MEP1A: variants seen among roughly 807,000 people sequenced by gnomAD.
MEP1A encodes meprin A subunit alpha.
A neutral mutation model predicts 84.5 loss-of-function variants in MEP1A; 68 were observed. The ratio of observed to expected loss-of-function variants is 0.80; its 90% CI spans 0.66 to 0.98. The LOEUF is 0.98. Ranked by LOEUF, MEP1A falls within the 50% of genes least tolerant of loss-of-function variation. MEP1A has a pLI of 0.00. For missense variants in MEP1A, 887 were observed against 919.9 expected, an observed-to-expected ratio of 0.96 and a Z score of 0.46; for synonymous variants, 337 against 336.8, an observed-to-expected ratio of 1.00 and a Z score of -0.01.
At chr6:46,823,558 G>A (rs1172345960) in intron 7 of MEP1A, among the ~76,000 whole-genome samples, 1 of 152,224 alleles carries the variant, frequency 6.6e-6, no homozygotes, top group Non-Finnish European at 1.5e-5. Flanking sequence ...GTTGCAGTGA[G>A]CTGAGATCTT....
chr6:46,803,921 C>A (rs1357814202), intron 5 of MEP1A, among the ~76,000 whole-genome samples: 2 of 151,630 alleles, frequency 1.3e-5, no homozygotes, highest in African/African-American at 4.8e-5. Flanking sequence ...ATTATGCAAG[C>A]ATTTTACAAT....
rs762945456 is a variant in MEP1A, at chr6:46,826,504, G to A, written c.928+1G>A. On this transcript the variant is annotated splice_donor_variant, in intron 9 of 13. Transcript: ENST00000230588. LOFTEE classifies it high-confidence loss of function. ...CACACCTTGTTGGGACAATGCACAG[G>A]TCAGTGAAAGTGGAAAGCAAACACA... is the stretch of plus-strand genomic sequence containing the variant. The A allele has an allele frequency of 1.3e-6, 2 of 1,536,132 alleles. No individual in the cohort carries two copies. The highest frequency in any genetic ancestry group is 1.3e-5 in the South Asian group (1 of 76,262).
rs1016933301 is a variant in MEP1A at position 46,814,726 on chromosome 6, G to A, written c.381-4803G>A. Among the ~76,000 whole-genome samples the A allele has an allele frequency of 5.4e-4, 82 of 152,220 alleles. 1 individual carries two copies. Among genetic ancestry groups the A allele is most frequent in the East Asian group, 1.9e-4 (1 of 5,154 alleles). On this transcript the variant is annotated intron_variant, in intron 6 of 13. Transcript: ENST00000230588. ...CAAGGGCTGTTTTTCAGATTTTTTTGTCCCACAGGGTGCTCCCTTGATGTG... is the reference window on the plus strand; with the variant it reads ...CAAGGGCTGTTTTTCAGATTTTTTTATCCCACAGGGTGCTCCCTTGATGTG...
chr6:46,840,077 T>C (rs974631612), downstream of MEP1A, among the ~76,000 whole-genome samples: 6 of 150,904 alleles, frequency 4.0e-5, no homozygotes, highest in African/African-American at 1.5e-4. Flanking sequence ...CAATCAGCAA[T>C]AAGTCAGCTC....
At position 46,839,008 on chromosome 6, in the gene MEP1A, A is replaced by T. The variant is rs772826649; in HGVS notation, c.2113A>T (p.Thr705Ser). The T allele has an allele frequency of 3.1e-6, 5 of 1,613,550 alleles. No individual in the cohort carries two copies. The Admixed American group carries it at 6.7e-5, about 22-fold the overall frequency. The change falls in exon 14 of 14, where the codon ACG becomes TCG. Residue 705 changes from threonine (T) to serine (S), a missense_variant. Coordinates refer to ENST00000230588, the MANE Select transcript of MEP1A (RefSeq NM_005588.3). ...RCISGHAFFY[T>S]GERCQAVQVH... is the part of the protein sequence containing the mutation. ...CATCTCTGGACATGCTTTCTTCTAC[A>T]CGGGGGAGCGCTGTCAGGCCGTGCA...
rs374497425 is a variant in MEP1A at position 46,829,449 on chromosome 6, A to G, written c.1022A>G (p.Gln341Arg). The change falls in exon 10 of 14, where the codon CAG becomes CGG. Residue 341 changes from glutamine to arginine, a missense_variant. Transcript: ENST00000230588. Reference protein sequence around the residue: ...ESRILYPKRKQQCLQFFYKMT... With the variant: ...ESRILYPKRKRQCLQFFYKMT... The stretch of plus-strand genomic sequence containing the variant: ...CGGATTCTTTACCCAAAGAGGAAGC[A>G]GCAGTGCCTGCAATTTTTCTATAAA... 1 of 1,614,160 alleles carries G rather than the reference A, an allele frequency of 6.2e-7. No homozygotes were observed. Among genetic ancestry groups the G allele is most frequent in the East Asian group, 2.2e-5 (1 of 44,880 alleles).
At position 46,829,714 on chromosome 6, in the gene MEP1A, C is replaced by A. The variant is rs578003857; in HGVS notation, c.1144+143C>A. 4.0e-5 allele frequency: 26 copies of A among 648,018 alleles called. No individual in the cohort carries two copies. The Admixed American group carries it at 6.8e-4, about 17-fold the overall frequency. The allele number at this position is 648,018 out of a possible 1,614,324, so 40.1% of individuals were successfully genotyped here. A position where few individuals can be genotyped will look rare whatever the true frequency, so the allele number is the denominator to read the frequency against. On this transcript the variant is annotated intron_variant, in intron 10 of 13. Coordinates refer to ENST00000230588, the MANE Select transcript of MEP1A (RefSeq NM_005588.3). ...CACCCACTTTCTTCTCTTCTCAGAG[C>A]CTATCATAATATATGGCATGTTTTA...
intron 6 of MEP1A, among the ~76,000 whole-genome samples, chr6:46,813,825 A>G (rs992872632): frequency 4.6e-4 from 70 of 152,316 alleles, no homozygotes; most frequent in African/African-American, 1.4e-3. Flanking sequence ...GTTTCACCAG[A>G]TACTAAATTC....
chr6:46,845,147 C>G, the MEP1A span, among the ~76,000 whole-genome samples: 3 of 152,172 alleles, frequency 2.0e-5, no homozygotes, highest in Non-Finnish European at 2.9e-5. Context: ...TTCTTTATAG[C>G]AGTGTGAAAA....
At chr6:46,817,219 A>C (rs79146231) in intron 6 of MEP1A, among the ~76,000 whole-genome samples, 2,242 of 152,274 alleles carry the variant, frequency 0.015, 48 homozygotes, top group African/African-American at 0.05. Context: ...GAGGAGTCAA[A>C]AGTATCTGAG....
downstream of MEP1A, among the ~76,000 whole-genome samples, chr6:46,842,099 C>G (rs924576684): frequency 2.3e-4 from 35 of 152,118 alleles, no homozygotes; most frequent in African/African-American, 7.0e-4. Context: ...TTTCTTATGT[C>G]TGTCTTTACT....
chr6:46,844,063 T>G (rs1271726190), downstream of MEP1A, among the ~76,000 whole-genome samples: 1 of 152,242 alleles, frequency 6.6e-6, no homozygotes, highest in African/African-American at 2.4e-5. Context: ...ATTAGTCACC[T>G]ACTCAAATTT....
chr6:46,831,920 A>G (rs1768086568), intron 10 of MEP1A, among the ~76,000 whole-genome samples: 1 of 152,050 alleles, frequency 6.6e-6, no homozygotes, highest in Non-Finnish European at 1.5e-5. Context: ...CTGTGTTCCC[A>G]TGTAACCTAC....
In MEP1A at chr6:46,833,054, G is replaced by A; in HGVS notation, c.1145-20G>A. On this transcript the variant is annotated intron_variant, in intron 10 of 13. Transcript: ENST00000230588. ...TAAGTGTTGGTCACAGTTCTCACCAGCCTTGTTCTCTGTCCTCAGGAGATG... is the reference window on the plus strand; with the variant it reads ...TAAGTGTTGGTCACAGTTCTCACCAACCTTGTTCTCTGTCCTCAGGAGATG... 1 of 1,408,060 alleles carries A rather than the reference G, an allele frequency of 7.1e-7. No homozygotes were observed. The highest frequency in any genetic ancestry group is 9.6e-7 in the Non-Finnish European group (1 of 1,036,536). 87.2% of individuals were successfully genotyped at this position (1,408,060 alleles called of 1,614,324 possible). A position where few individuals can be genotyped will look rare whatever the true frequency, so the allele number is the denominator to read the frequency against.
At chr6:46,815,947 AT>A (rs1344259745) in intron 6 of MEP1A, among the ~76,000 whole-genome samples, 1 of 151,748 alleles carries the variant, frequency 6.6e-6, no homozygotes, top group Non-Finnish European at 1.5e-5. Flanking sequence ...TTTATTTATT[AT>A]TTTTTTGAGA....
chr6:46,798,064 T>C (rs1767106546), intron 3 of MEP1A, among the ~76,000 whole-genome samples: 1 of 151,594 alleles, frequency 6.6e-6, no homozygotes, highest in Non-Finnish European at 1.5e-5. Context: ...GCGTCCTGGG[T>C]TCAAGCAATT....
At chr6:46,830,172 C>T (rs957680112) in intron 10 of MEP1A, among the ~76,000 whole-genome samples, 1 of 142,152 alleles carries the variant, frequency 7.0e-6, no homozygotes, top group African/African-American at 2.6e-5. Flanking sequence ...ATTGCTGGAA[C>T]CCGGGAGGCG....
intron 10 of MEP1A, among the ~76,000 whole-genome samples, chr6:46,831,371 T>C (rs1768070997): frequency 6.6e-6 from 1 of 152,122 alleles, no homozygotes; most frequent in Non-Finnish European, 1.5e-5. Flanking sequence ...ACATGAAAAA[T>C]GTTGGCATAC....
At chr6:46,824,158 A>G (rs566159106) in intron 7 of MEP1A, among the ~76,000 whole-genome samples, 3 of 152,086 alleles carry the variant, frequency 2.0e-5, no homozygotes, top group Non-Finnish European at 4.4e-5. Flanking sequence ...AACATAATTG[A>G]TTGTGAACAT....
Sources: gnomAD v4.1 joint callset for allele counts (sites outside exome capture counted in the v4.1 genomes callset) on GRCh38, gnomAD v4.1.1 for gene constraint, MANE v1.5 for transcripts, NCBI Gene and HGNC (gene_info 2026-07-23, HGNC 2026-07-21) for gene names.